Variants in PLXNA4 observed in about 807,000 individuals in gnomAD.
The protein encoded by PLXNA4 is plexin-A4.
PLXNA4 carries 44 observed loss-of-function variants against 191.8 expected under a neutral mutation model. The observed-to-expected ratio is 0.23, with a 90% CI of 0.18 to 0.29. The LOEUF (loss-of-function observed/expected upper bound fraction) is 0.29. Ranked by LOEUF, PLXNA4 falls within the 10% of genes least tolerant of loss-of-function variation. The probability of loss-of-function intolerance (pLI) is 1.00; values close to 1 mark genes in which losing one functional copy is unlikely to be tolerated. For synonymous variants in PLXNA4, 1,082 were observed against 1,009.5 expected (o/e 1.07, Z -1.36); for missense variants, 1,800 against 2,488.8 (o/e 0.72, Z 5.89).
At chr7:132,525,961 T>C (rs1799384199) in intron 1 of PLXNA4, among the ~76,000 whole-genome samples, 1 of 152,156 alleles carries the variant, frequency 6.6e-6, no homozygotes, top group South Asian at 2.1e-4. Flanking sequence ...TTTTCTTGCT[T>C]AAACCCTATT....
Position 132,641,934 on chromosome 7 carries a change from AT to A in PLXNA4, c.-87+3993del, listed in dbSNP as rs1325877573. 3.3e-5 allele frequency among the ~76,000 whole-genome samples: 5 copies of A among 152,198 alleles called. No homozygotes were observed. In the East Asian group the frequency reaches 9.6e-4, roughly 29 times the overall value. On this transcript the variant is annotated intron_variant, in intron 2 of 4. Transcript: ENST00000378539. Reference sequence around the variant, plus strand: ...AAGATAGCATTTAAAAGTGAGACACATCCCCCTTTCAGAAATGTTAAATGTG... The same window carrying A: ...AAGATAGCATTTAAAAGTGAGACACACCCCCTTTCAGAAATGTTAAATGTG...
At position 132,194,131 on chromosome 7, in the gene PLXNA4, G is replaced by A. The variant is rs773275001; in HGVS notation, c.2787C>T (p.Phe929=). 42 of 1,613,884 alleles carry A rather than the reference G, an allele frequency of 2.6e-5. No homozygotes were observed. The highest frequency in any genetic ancestry group is 3.1e-5 in the Non-Finnish European group (37 of 1,179,906). The change falls in exon 14 of 32, where the codon TTC becomes TTT. Residue 929 remains phenylalanine, a synonymous_variant. Coordinates refer to ENST00000321063, the MANE Select transcript of PLXNA4 (RefSeq NM_020911.2). ...GEAKPSQHAG[F]VEICVAVCRP... The stretch of plus-strand genomic sequence containing the variant: ...GACACACAGCCACGCAGATCTCCAC[G>A]AAGCCTGCATGCTGGCTGGGCTTGG...
At chr7:132,287,852 C>T (rs1389795348) in intron 4 of PLXNA4, among the ~76,000 whole-genome samples, 2 of 152,148 alleles carry the variant, frequency 1.3e-5, no homozygotes, top group Non-Finnish European at 2.9e-5. Flanking sequence ...TGTCAGGCTA[C>T]AACAAAGGAG....
chr7:132,244,394 T>C lies in PLXNA4; in HGVS notation c.1504-3228A>G, dbSNP rs529610378. On this transcript the variant is annotated intron_variant, in intron 4 of 31. Coordinates refer to ENST00000321063, the MANE Select transcript of PLXNA4 (RefSeq NM_020911.2). The stretch of plus-strand genomic sequence containing the variant: ...AAACTTTCTCTTGAAGACAATCATC[T>C]GGGCAGCTAGAGCTTTCTCATCTTA... Among the ~76,000 whole-genome samples the C allele has an allele frequency of 5.9e-5, 9 of 152,334 alleles. No individual in the cohort carries two copies. The East Asian group carries it at 7.7e-4, about 13-fold the overall frequency.
At chr7:132,420,902 C>A (rs1794827345) in intron 3 of PLXNA4, among the ~76,000 whole-genome samples, 1 of 152,186 alleles carries the variant, frequency 6.6e-6, no homozygotes, top group Non-Finnish European at 1.5e-5. Context: ...CACCTTCCTT[C>A]CACCATGATT....
At chr7:132,346,724 TAAACTCTTTTGAGATAC>T (rs1585018434) in intron 3 of PLXNA4, among the ~76,000 whole-genome samples, 1 of 152,354 alleles carries the variant, frequency 6.6e-6, no homozygotes, top group East Asian at 1.9e-4. Flanking sequence ...AGGTACAATG[TAAACTCTTTTGAGATAC>T]TTAGAGATGA....
chr7:132,412,796 C>T (rs1205041278), intron 3 of PLXNA4, among the ~76,000 whole-genome samples: 1 of 152,164 alleles, frequency 6.6e-6, no homozygotes, highest in African/African-American at 2.4e-5. Flanking sequence ...GAGCTCACTG[C>T]TTGCTGTGGA....
chr7:132,373,091 T>C (rs1804511201), intron 3 of PLXNA4, among the ~76,000 whole-genome samples: 1 of 152,202 alleles, frequency 6.6e-6, no homozygotes, highest in Admixed American at 6.5e-5. Context: ...TTGGTAAATA[T>C]CATTATTCCC....
At chr7:132,189,650 G>A (rs1487795404) in intron 14 of PLXNA4, among the ~76,000 whole-genome samples, 1 of 152,162 alleles carries the variant, frequency 6.6e-6, no homozygotes, top group Admixed American at 6.5e-5. Context: ...AGGGGAGCTA[G>A]GGGCTTCTGT....
chr7:132,562,930 C>T (rs900221942), intron 1 of PLXNA4, among the ~76,000 whole-genome samples: 17 of 7,900 alleles, frequency 2.2e-3, no homozygotes, highest in Non-Finnish European at 3.4e-3. Context: ...CTCCTCCTCT[C>T]CCTCCTCCTC....
chr7:132,135,815 G>C (rs1795095082), intron 30 of PLXNA4, among the ~76,000 whole-genome samples: 1 of 152,136 alleles, frequency 6.6e-6, no homozygotes, highest in Non-Finnish European at 1.5e-5. Context: ...TCTCAGGTCA[G>C]GTCCTTGCTG....
chr7:132,599,369 G>T (rs1802774923), intron 2 of PLXNA4, among the ~76,000 whole-genome samples: 1 of 152,122 alleles, frequency 6.6e-6, no homozygotes, highest in Non-Finnish European at 1.5e-5. Context: ...TTTGAGCATA[G>T]CATGTGTCTC....
chr7:132,434,453 A>G (rs565206412), intron 3 of PLXNA4, among the ~76,000 whole-genome samples: 4 of 152,340 alleles, frequency 2.6e-5, no homozygotes, highest in African/African-American at 9.6e-5. Context: ...CCTGATGTTT[A>G]GCAAAATTCA....
In PLXNA4 at chr7:132,123,667, G is replaced by C. The variant is rs955509331; in HGVS notation, c.*6812C>G. On this transcript the variant is annotated 3_prime_UTR_variant, in exon 32 of 32. Transcript: ENST00000321063. ...ACACTGTTGTCTAAAGATATGCTTT[G>C]CTTTGTTCTAACAAAGGGTCAATGT... The C allele has an allele frequency of 6.6e-6, 1 of 152,038 alleles. No individual in the cohort carries two copies. Among genetic ancestry groups the C allele is most frequent in the Non-Finnish European group, 1.5e-5 (1 of 68,000 alleles). 9.4% of individuals were successfully genotyped at this position (152,038 alleles called of 1,614,324 possible).
At chr7:132,266,880 A>T (rs73723764) in intron 4 of PLXNA4, among the ~76,000 whole-genome samples, 2,972 of 152,308 alleles carry the variant, frequency 0.02, 106 homozygotes, top group African/African-American at 0.068. Flanking sequence ...CTTCAAAGGG[A>T]TTAATCTTGT....
At chr7:132,557,691 C>T (rs1370531965) in intron 1 of PLXNA4, among the ~76,000 whole-genome samples, 1 of 152,030 alleles carries the variant, frequency 6.6e-6, no homozygotes, top group East Asian at 1.9e-4. Flanking sequence ...CAATATGGTA[C>T]GTCTGTGGTC....
chr7:132,251,109 T>C (rs1024946307), intron 4 of PLXNA4, among the ~76,000 whole-genome samples: 1 of 151,094 alleles, frequency 6.6e-6, no homozygotes, highest in Non-Finnish European at 1.5e-5. Flanking sequence ...AACTTTCATG[T>C]TACTGCTACG....
At chr7:132,373,507 C>A (rs1804530410) in intron 3 of PLXNA4, among the ~76,000 whole-genome samples, 1 of 152,222 alleles carries the variant, frequency 6.6e-6, no homozygotes, top group African/African-American at 2.4e-5. Flanking sequence ...TCCTCCTGGA[C>A]TAAGGGCTGT....
intron 4 of PLXNA4, 57 bp downstream of exon 4, chr7:132,298,034 C>G (rs778745488): frequency 1.1e-4 from 181 of 1,609,740 alleles, no homozygotes; most frequent in Non-Finnish European, 1.5e-4. Flanking sequence ...TTGTACTGAG[C>G]CACAGGCTAG....
Sources: allele counts gnomAD v4.1 joint callset (sites outside exome capture counted in the v4.1 genomes callset), GRCh38; gene constraint gnomAD v4.1.1; transcripts MANE v1.5; gene names NCBI Gene and HGNC (gene_info 2026-07-23, HGNC 2026-07-21).